HSD3B2: variants seen among roughly 807,000 people sequenced by gnomAD.
The protein encoded by HSD3B2 is hydroxy-delta-5-steroid dehydrogenase, 3 beta- and steroid delta-isomerase 2, also known as 3 beta-hydroxysteroid dehydrogenase/Delta 5-->4-isomerase type 2.
Under a neutral mutation model 9.9 loss-of-function variants are expected in HSD3B2, and 8 were observed. That is an observed-to-expected ratio of 0.81 (90% CI 0.47 to 1.46). The LOEUF is 1.46. Ranked by LOEUF, HSD3B2 falls within the 40% of genes most tolerant of loss-of-function variation. The pLI is 0.00. For missense variants in HSD3B2, 410 were observed against 448.3 expected, an observed-to-expected ratio of 0.91 and a Z score of 0.77; for synonymous variants, 221 against 184.5, an observed-to-expected ratio of 1.20 and a Z score of -1.60.
intron 2 of HSD3B2, among the ~76,000 whole-genome samples, chr1:119,418,124 A>G (rs1651759580): frequency 6.6e-6 from 1 of 152,200 alleles, no homozygotes; most frequent in East Asian, 1.9e-4. Context: ...CTACCTGTGG[A>G]TTTCAGAGGA....
In HSD3B2 at chr1:119,422,026, T is replaced by A. The variant is rs766170141; in HGVS notation, c.525T>A (p.Asn175Lys). The stretch of plus-strand genomic sequence containing the variant: ...CGGCTAATGGGTGGAATCTAAAAAA[T>A]GGTGATACCTTGTACACTTGTGCGT... The part of the protein sequence containing the change: ...VLAANGWNLK[N>K]GDTLYTCALR... The change falls in exon 4 of 4, where the codon AAT becomes AAA. Residue 175 changes from asparagine to lysine, a missense_variant. By Grantham distance (94) the Asn-to-Lys change is moderately conservative. Coordinates refer to ENST00000369416, the MANE Select transcript of HSD3B2 (RefSeq NM_000198.4). The A allele has an allele frequency of 1.2e-6, 2 of 1,613,962 alleles. No individual in the cohort carries two copies.
At position 119,419,533 on chromosome 1, in the gene HSD3B2, T is replaced by C. The variant is rs996323669; in HGVS notation, c.258T>C (p.Asp86=). The change falls in exon 3 of 4, where the codon GAT becomes GAC. Residue 86 remains aspartate (D), a synonymous_variant. Coordinates refer to ENST00000369416, the MANE Select transcript of HSD3B2 (RefSeq NM_000198.4). ...TCATCCACACCGCCTGTATCATTGA[T>C]GTCTTTGGTGTCACTCACAGAGAGT... ...SVVIHTACII[D]VFGVTHRESI... 8.1e-6 allele frequency: 13 copies of C among 1,613,784 alleles called. No individual in the cohort carries two copies. In the African/African-American group the frequency reaches 1.6e-4, roughly 20 times the overall value.
rs147914657 is a variant in HSD3B2 at position 119,418,902 on chromosome 1, C to T, written c.143-516C>T. On this transcript the variant is annotated intron_variant, in intron 2 of 3. Coordinates refer to ENST00000369416, the MANE Select transcript of HSD3B2 (RefSeq NM_000198.4). ...CCAGAAATCAAGTGATTCACCACCT[C>T]AGAGTCCCAAAGAGCTGGAATTACA... Among the ~76,000 whole-genome samples the T allele has an allele frequency of 4.0e-3, 608 of 152,206 alleles. 9 individuals are homozygous for T. Among genetic ancestry groups the T allele is most frequent in the African/African-American group, 0.014 (561 of 41,542 alleles).
rs1479945189 is a variant in HSD3B2 at position 119,422,566 on chromosome 1, G to A, written c.1065G>A (p.Trp355Ter). The change falls in exon 4 of 4, where the codon TGG becomes TGA. Residue 355 changes from tryptophan (W) to a stop codon, truncating the protein, a stop_gained. Transcript: ENST00000369416. LOFTEE classifies it low-confidence loss of function (END_TRUNC). ...AAGCCAAGCAGAAAACCGTGGAGTGGGTTGGTTCCCTTGTGGACCGGCACA... is the reference window on the plus strand; with the variant it reads ...AAGCCAAGCAGAAAACCGTGGAGTGAGTTGGTTCCCTTGTGGACCGGCACA... ...WEEAKQKTVE[W>*]VGSLVDRHKE... 5 of 1,614,078 alleles carry A rather than the reference G, an allele frequency of 3.1e-6. No individual in the cohort carries two copies. The highest frequency in any genetic ancestry group is 4.2e-6 in the Non-Finnish European group (5 of 1,179,986).
intron 3 of HSD3B2, 54 bp downstream of exon 3, chr1:119,419,636 G>T: frequency 1.3e-6 from 2 of 1,553,796 alleles, no homozygotes; most frequent in Non-Finnish European, 1.8e-6. Context: ...GGATCAGAAA[G>T]AAGGACAAGA....
In HSD3B2 at chr1:119,422,864, T is replaced by C; in HGVS notation, c.*244T>C. On this transcript the variant is annotated 3_prime_UTR_variant, in exon 4 of 4. Transcript: ENST00000369416. ...CAATATGATTTGCTGTTACCAAATC[T>C]CAGTGGCTGATTCTGAACAATTGTG... is the stretch of plus-strand genomic sequence containing the variant. The C allele has an allele frequency of 1.7e-6, 1 of 582,524 alleles. No homozygotes were observed. The highest frequency in any genetic ancestry group is 3.1e-6 in the Non-Finnish European group (1 of 326,802). 36.1% of individuals were successfully genotyped at this position (582,524 alleles called of 1,614,324 possible). A position where few individuals can be genotyped will look rare whatever the true frequency, so the allele number is the denominator to read the frequency against.
At chr1:119,417,717 T>C (rs587644880) in intron 2 of HSD3B2, among the ~76,000 whole-genome samples, 5 of 152,350 alleles carry the variant, frequency 3.3e-5, no homozygotes, top group African/African-American at 7.2e-5. Flanking sequence ...GAATTTTTCA[T>C]TCTGAATTTC....
At position 119,421,896 on chromosome 1, in the gene HSD3B2, C is replaced by G. The variant is rs983918502; in HGVS notation, c.395C>G (p.Ser132Cys). 1 of 1,613,870 alleles carries G rather than the reference C, an allele frequency of 6.2e-7. No individual in the cohort carries two copies. ...AGCATAGAGGTAGCCGGGCCCAACT[C>G]CTACAAGGAAATCATCCAGAACGGC... ...TSSIEVAGPN[S>C]YKEIIQNGHE... Residue 132 changes from serine to cysteine, a missense_variant, in exon 4 of 4, where the codon TCC becomes TGC. Transcript: ENST00000369416.
In HSD3B2 at chr1:119,423,016, T is replaced by C. The variant is rs1396730001; in HGVS notation, c.*396T>C. ...AGTTCAACATAAAGAGCAATAAATG[T>C]TTTAATGCTTAACATGGAGAGAAGC... On this transcript the variant is annotated 3_prime_UTR_variant, in exon 4 of 4. Transcript: ENST00000369416. 2 of 322,938 alleles carry C rather than the reference T, an allele frequency of 6.2e-6. No homozygotes were observed. The allele number at this position is 322,938 out of a possible 1,614,324, so 20.0% of individuals were successfully genotyped here. A position where few individuals can be genotyped will look rare whatever the true frequency, so the allele number is the denominator to read the frequency against.
At chr1:119,415,292 A>G (rs1040932054) in intron 1 of HSD3B2, 39 bp from the exon 2 acceptor site, 7 of 946,280 alleles carry the variant, frequency 7.4e-6, no homozygotes, top group African/African-American at 4.8e-5. Flanking sequence ...AAAATAAGGC[A>G]TCTGCTGAGT....
chr1:119,421,404 T>C (rs1651854062), intron 3 of HSD3B2, among the ~76,000 whole-genome samples: 2 of 55,602 alleles, frequency 3.6e-5, no homozygotes, highest in Admixed American at 4.9e-4. Flanking sequence ...TATATATATG[T>C]ATATATATAT....
Position 119,419,586 on chromosome 1 carries a change from C to T in HSD3B2, c.307+4C>T. Reference sequence around the variant, plus strand: ...ATCATGAATGTCAATGTGAAAGGTACAGTAGCCTGGGGAGGAGATAAAACA... The same window carrying T: ...ATCATGAATGTCAATGTGAAAGGTATAGTAGCCTGGGGAGGAGATAAAACA... On this transcript the variant is annotated splice_donor_region_variant and intron_variant, in intron 3 of 3. Transcript: ENST00000369416. 2.5e-6 allele frequency: 4 copies of T among 1,613,404 alleles called. No homozygotes were observed. The highest frequency in any genetic ancestry group is 1.3e-5 in the African/African-American group (1 of 75,012).
chr1:119,421,419 ATATATATG>A (rs1557869415), intron 3 of HSD3B2, among the ~76,000 whole-genome samples: 28 of 18,942 alleles, frequency 1.5e-3, no homozygotes, highest in African/African-American at 4.8e-3. Context: ...ATATATATGT[ATATATATG>A]TATATATATA....
In HSD3B2 at chr1:119,422,839, C is replaced by T. The variant is rs1022232045; in HGVS notation, c.*219C>T. On this transcript the variant is annotated 3_prime_UTR_variant, in exon 4 of 4. Coordinates refer to ENST00000369416, the MANE Select transcript of HSD3B2 (RefSeq NM_000198.4). ...TCCTAATCATACACCAGAAGACAAA[C>T]AATATGATTTGCTGTTACCAAATCT... 3.2e-6 allele frequency: 2 copies of T among 615,742 alleles called. No homozygotes were observed. The highest frequency in any genetic ancestry group is 5.7e-6 in the Non-Finnish European group (2 of 348,150). 38.1% of individuals were successfully genotyped at this position (615,742 alleles called of 1,614,324 possible).
In HSD3B2 at chr1:119,419,422, C is replaced by G. The variant is rs752417564; in HGVS notation, c.147C>G (p.Leu49=). ...ACCTGACCTGTGTTCACACAGAGCTCCAGAACAGGACCAAGCTGACTGTAC... is the reference window on the plus strand; with the variant it reads ...ACCTGACCTGTGTTCACACAGAGCTGCAGAACAGGACCAAGCTGACTGTAC... ...RPELREEFSK[L]QNRTKLTVLE... The change falls in exon 3 of 4, where the codon CTC becomes CTG. Residue 49 remains leucine, a synonymous_variant. Coordinates refer to ENST00000369416, the MANE Select transcript of HSD3B2 (RefSeq NM_000198.4). 51 of 1,613,572 alleles carry G rather than the reference C, an allele frequency of 3.2e-5. No individual in the cohort carries two copies. Among genetic ancestry groups the G allele is most frequent in the Non-Finnish European group, 1.8e-5 (21 of 1,179,776 alleles).
Position 119,422,917 on chromosome 1 carries a change from G to A in HSD3B2, c.*297G>A. On this transcript the variant is annotated 3_prime_UTR_variant, in exon 4 of 4. Coordinates refer to ENST00000369416, the MANE Select transcript of HSD3B2 (RefSeq NM_000198.4). ...CTCTCTTAACTTGAGGTTCTCTTTT[G>A]ACTAATAGAGCTCCATTTCCCCTCT... The A allele has an allele frequency of 2.0e-6, 1 of 508,286 alleles. No homozygotes were observed. Among genetic ancestry groups the A allele is most frequent in the Non-Finnish European group, 3.5e-6 (1 of 282,796 alleles). The allele number at this position is 508,286 out of a possible 1,614,324, so 31.5% of individuals were successfully genotyped here.
upstream of HSD3B2, chr1:119,415,032 T>C: frequency 3.2e-6 from 1 of 311,222 alleles, no homozygotes; most frequent in South Asian, 3.1e-5. Flanking sequence ...GTCACTATTA[T>C]TCTGAGAAAA....
chr1:119,420,859 C>T (rs967389035), intron 3 of HSD3B2, among the ~76,000 whole-genome samples: 6 of 152,162 alleles, frequency 3.9e-5, no homozygotes, highest in African/African-American at 1.4e-4. Flanking sequence ...AGGGCACACT[C>T]CCTCCCCAGT....
chr1:119,421,644 G>A (rs889243716), intron 3 of HSD3B2, among the ~76,000 whole-genome samples, 165 bp from the exon 4 acceptor site: 5 of 150,970 alleles, frequency 3.3e-5, no homozygotes, highest in African/African-American at 1.2e-4. Context: ...TTTTTCCTAC[G>A]GCTGTATCAT....
Sources: gnomAD v4.1 joint callset for allele counts (sites outside exome capture counted in the v4.1 genomes callset) on GRCh38, gnomAD v4.1.1 for gene constraint, MANE v1.5 for transcripts, NCBI Gene and HGNC (gene_info 2026-07-23, HGNC 2026-07-21) for gene names.